The following FLG2 variants were observed in gnomAD, a reference collection of about 807,000 sequenced individuals.
FLG2 encodes filaggrin 2, also known as filaggrin-2.
Under a neutral mutation model 3.9 loss-of-function variants are expected in FLG2, and 7 were observed. The ratio of observed to expected loss-of-function variants is 1.79; its 90% CI spans 1.02 to 3.36. FLG2 has a LOEUF of 3.36. Ranked by LOEUF, FLG2 falls within the 30% of genes most tolerant of loss-of-function variation. The pLI is 0.00. For missense variants in FLG2, 2,700 were observed against 2,809.4 expected (o/e 0.96, Z 0.88); for synonymous variants, 1,031 against 1,056.1 (o/e 0.98, Z 0.46).
At position 152,354,919 on chromosome 1, in the gene FLG2, C is replaced by A; in HGVS notation, c.2867G>T (p.Gly956Val). The A allele has an allele frequency of 1.2e-6, 2 of 1,613,666 alleles. No homozygotes were observed. The highest frequency in any genetic ancestry group is 1.7e-6 in the Non-Finnish European group (2 of 1,179,962). ...ATGTTGGCCAAAGCCAGAGGATTGA[C>A]CTGAGCCTGACCTGTGTTGTCCAAA... ...FGFGQHRSGS[G>V]QSSGFGQHGS... The change falls in exon 3 of 3, where the codon GGT (glycine) becomes GTT (valine). Residue 956 changes from glycine to valine, a missense_variant. Coordinates refer to ENST00000388718, the MANE Select transcript of FLG2 (RefSeq NM_001014342.3).
chr1:152,350,118 T>A lies in FLG2; in HGVS notation c.*492A>T, dbSNP rs1195455281. On this transcript the variant is annotated 3_prime_UTR_variant, in exon 3 of 3. Coordinates refer to ENST00000388718, the MANE Select transcript of FLG2 (RefSeq NM_001014342.3). Reference sequence around the variant, plus strand: ...CCTATCTGGCAAAACCTGTGCTGGATCTTACCTGCCCATGAAAAGTTGTAT... The same window carrying A: ...CCTATCTGGCAAAACCTGTGCTGGAACTTACCTGCCCATGAAAAGTTGTAT... 1.2e-5 allele frequency: 2 copies of A among 168,530 alleles called. No individual in the cohort carries two copies. The highest frequency in any genetic ancestry group is 2.6e-5 in the Non-Finnish European group (2 of 76,746). 10.4% of individuals were successfully genotyped at this position (168,530 alleles called of 1,614,324 possible).
In FLG2 at chr1:152,352,072, C is replaced by T. The variant is rs759156967; in HGVS notation, c.5714G>A (p.Arg1905Lys). 1.2e-6 allele frequency: 2 copies of T among 1,613,510 alleles called. No homozygotes were observed. Among genetic ancestry groups the T allele is most frequent in the African/African-American group, 2.7e-5 (2 of 74,672 alleles). Residue 1905 changes from arginine (R) to lysine (K), a missense_variant, in exon 3 of 3, where the codon AGG becomes AAG. Arg to Lys is a conservative substitution (Grantham distance 26, BLOSUM62 2). Transcript: ENST00000388718. ...GGATTCTGACTCTCCATGTTGAGACCTGGCTTGGCTGTGTGTGTGTCCTGA... is the reference window on the plus strand; with the variant it reads ...GGATTCTGACTCTCCATGTTGAGACTTGGCTTGGCTGTGTGTGTGTCCTGA... The part of the protein sequence containing the change: ...THSGHTHSQA[R>K]SQHGESESTV...
At position 152,357,044 on chromosome 1, in the gene FLG2, C is replaced by T; in HGVS notation, c.742G>A (p.Gly248Arg). 1 of 1,614,162 alleles carries T rather than the reference C, an allele frequency of 6.2e-7. No homozygotes were observed. Among genetic ancestry groups the T allele is most frequent in the South Asian group, 1.1e-5 (1 of 91,074 alleles). The change falls in exon 3 of 3, where the codon GGG becomes AGG. Residue 248 changes from glycine (G) to arginine (R), a missense_variant. By Grantham distance (125) the Gly-to-Arg change is moderately radical. Transcript: ENST00000388718. Reference sequence around the variant, plus strand: ...GACTGAGTAGAGTTTGATTCATGCCCACTAGTCTCCAATCCACATGACAGA... The same window carrying T: ...GACTGAGTAGAGTTTGATTCATGCCTACTAGTCTCCAATCCACATGACAGA... ...GGLSCGLETS[G>R]HESNSTQSRI...
At position 152,356,077 on chromosome 1, in the gene FLG2, T is replaced by C. The variant is rs1357410525; in HGVS notation, c.1709A>G (p.His570Arg). 1 of 1,613,336 alleles carries C rather than the reference T, an allele frequency of 6.2e-7. No individual in the cohort carries two copies. The highest frequency in any genetic ancestry group is 8.5e-7 in the Non-Finnish European group (1 of 1,179,934). The change falls in exon 3 of 3, where the codon CAT (histidine) becomes CGT (arginine). Residue 570 changes from histidine to arginine, a missense_variant. His to Arg is a conservative substitution (Grantham distance 29). Transcript: ENST00000388718. ...GSRETSGFGQ[H>R]GLGSGQSTGF... ...AGTGGATTGACCTGAGCCCAACCCA[T>C]GTTGTCCAAAGCCAGATGTCTCTCT...
Position 152,354,034 on chromosome 1 carries a change from T to A in FLG2, c.3752A>T (p.Gln1251Leu), listed in dbSNP as rs777858716. The A allele has an allele frequency of 6.2e-7, 1 of 1,614,108 alleles. No individual in the cohort carries two copies. Among genetic ancestry groups the A allele is most frequent in the Non-Finnish European group, 8.5e-7 (1 of 1,179,912 alleles). ...GQTINTTRHS[Q>L]SGQGQSTQTG... ...CTGTGTGGATTGTCCTTGACCAGAC[T>A]GGCTATGTCTAGTGGTATTTATTGT... Residue 1251 changes from glutamine (Q) to leucine (L), a missense_variant, in exon 3 of 3, where the codon CAG becomes CTG. Transcript: ENST00000388718.
At chr1:152,359,864 A>G (rs558526239) in intron 1 of FLG2, 92 bp downstream of exon 1, 1 of 152,360 alleles carries the variant, frequency 6.6e-6, no homozygotes, top group East Asian at 1.9e-4. Flanking sequence ...AAGGCAAAAT[A>G]TACATGAACT....
rs1654095847 is a variant in FLG2, at chr1:152,354,186, A to T, written c.3600T>A (p.Gly1200=). The T allele has an allele frequency of 1.9e-6, 3 of 1,614,074 alleles. No homozygotes were observed. Among genetic ancestry groups the T allele is most frequent in the Non-Finnish European group, 1.7e-6 (2 of 1,180,038 alleles). Residue 1200 remains glycine, a synonymous_variant, in exon 3 of 3, where the codon GGT becomes GGA. Transcript: ENST00000388718. ...CATATTGGCCAAATCCAGTGGACTG[A>T]CCTGAGTCAGATATATGTTGTCCAG... is the stretch of plus-strand genomic sequence containing the variant. ...SSSGQHISDS[G]QSTGFGQYGS... is the part of the protein sequence containing the mutation.
Position 152,350,721 on chromosome 1 carries a change from G to A in FLG2, c.7065C>T (p.Asp2355=). Residue 2355 remains aspartate, a synonymous_variant, in exon 3 of 3, where the codon GAC becomes GAT. Coordinates refer to ENST00000388718, the MANE Select transcript of FLG2 (RefSeq NM_001014342.3). ...AAGGCCCATACCCAGTGTGCCCATA[G>A]TCATATTCTGCAGGTCCATAGCTGC... ...KHGSYGPAEY[D]YGHTGYGPSG... 1 of 1,614,194 alleles carries A rather than the reference G, an allele frequency of 6.2e-7. No homozygotes were observed. The highest frequency in any genetic ancestry group is 8.5e-7 in the Non-Finnish European group (1 of 1,180,030).
At position 152,353,936 on chromosome 1, in the gene FLG2, C is replaced by A. The variant is rs775944212; in HGVS notation, c.3850G>T (p.Val1284Phe). Residue 1284 changes from valine (V) to phenylalanine (F), a missense_variant, in exon 3 of 3, where the codon GTC becomes TTC. Transcript: ENST00000388718. ...ATGTGTTCTGAATGTCTGTGTGAGACCTTTGAGTGCACTTCACTGTCACTG... is the reference window on the plus strand; with the variant it reads ...ATGTGTTCTGAATGTCTGTGTGAGAACTTTGAGTGCACTTCACTGTCACTG... ...ENSDSEVHSK[V>F]SHRHSEHIHT... 7 of 1,613,956 alleles carry A rather than the reference C, an allele frequency of 4.3e-6. No individual in the cohort carries two copies. The highest frequency in any genetic ancestry group is 3.3e-5 in the South Asian group (3 of 91,086).
chr1:152,353,777 A>G lies in FLG2; in HGVS notation c.4009T>C (p.Ser1337Pro), dbSNP rs1325374394. The G allele has an allele frequency of 2.5e-6, 4 of 1,613,892 alleles. No homozygotes were observed. The highest frequency in any genetic ancestry group is 1.7e-5 in the Admixed American group (1 of 59,990). ...AATCTCTGTCTTCCAGATGTTCTGG[A>G]ACCTGTCTGTGTAGACTGTCCATGA... ...SGHGQSTQTG[S>P]RTSGRQRFSH... Residue 1337 changes from serine (S) to proline (P), a missense_variant, in exon 3 of 3, where the codon TCC (serine) becomes CCC (proline). By Grantham distance (74) the Ser-to-Pro change is moderately conservative. Coordinates refer to ENST00000388718, the MANE Select transcript of FLG2 (RefSeq NM_001014342.3).
intron 1 of FLG2, 118 bp from the exon 2 acceptor site, chr1:152,359,024 G>T: frequency 2.2e-6 from 2 of 892,124 alleles, no homozygotes; most frequent in East Asian, 2.7e-5. Flanking sequence ...ATCTCAAAAC[G>T]TAAGAATGGG....
Position 152,353,459 on chromosome 1 carries a change from G to C in FLG2, c.4327C>G (p.Gln1443Glu). 1 of 1,612,614 alleles carries C rather than the reference G, an allele frequency of 6.2e-7. No homozygotes were observed. Residue 1443 changes from glutamine to glutamate, a missense_variant, in exon 3 of 3, where the codon CAA becomes GAA. Transcript: ENST00000388718. ...HSGGSHRPQS[Q>E]EQTHGQAGSQ... ...CCGGCTTGGCCATGAGTTTGTTCTT[G>C]TGATTGTGGTCTGTGTGAGCCCCCT...
rs1182232574 is a variant in FLG2, at chr1:152,349,408, G to C, written c.*1202C>G. 2.6e-5 allele frequency: 4 copies of C among 152,202 alleles called. No homozygotes were observed. The highest frequency in any genetic ancestry group is 9.7e-5 in the African/African-American group (4 of 41,434). The allele number at this position is 152,202 out of a possible 1,614,324, so 9.4% of individuals were successfully genotyped here. ...GATCCACCCATCTTGGCCTCCCAAA[G>C]TGCTGGGATTACAGGCGTGAGCCAC... On this transcript the variant is annotated 3_prime_UTR_variant, in exon 3 of 3. Transcript: ENST00000388718.
Position 152,349,848 on chromosome 1 carries a change from C to T in FLG2, c.*762G>A, listed in dbSNP as rs1003593504. ...CTGATACCTCCTGACAGACTTGACT[C>T]TGACTCTTGCCTTTGTCTCCCCCAC... is the stretch of plus-strand genomic sequence containing the variant. On this transcript the variant is annotated 3_prime_UTR_variant, in exon 3 of 3. Transcript: ENST00000388718. 5 of 152,974 alleles carry T rather than the reference C, an allele frequency of 3.3e-5. No individual in the cohort carries two copies. Among genetic ancestry groups the T allele is most frequent in the Non-Finnish European group, 5.9e-5 (4 of 68,226 alleles). 9.5% of individuals were successfully genotyped at this position (152,974 alleles called of 1,614,324 possible). A position where few individuals can be genotyped will look rare whatever the true frequency, so the allele number is the denominator to read the frequency against.
At position 152,354,232 on chromosome 1, in the gene FLG2, C is replaced by A. The variant is rs554232263; in HGVS notation, c.3554G>T (p.Gly1185Val). 1 of 1,613,750 alleles carries A rather than the reference C, an allele frequency of 6.2e-7. No individual in the cohort carries two copies. The highest frequency in any genetic ancestry group is 8.5e-7 in the Non-Finnish European group (1 of 1,179,860). The change falls in exon 3 of 3, where the codon GGC becomes GTC. Residue 1185 changes from glycine to valine, a missense_variant. Gly to Val is a moderately radical substitution (Grantham distance 109, BLOSUM62 -3). Transcript: ENST00000388718. ...PTTSFGQHVS[G>V]SDNFSSSGQH... Reference sequence around the variant, plus strand: ...TCCAGAACTAGAGAAATTGTCTGAGCCAGACACATGCTGTCCAAAACTTGT... The same window carrying A: ...TCCAGAACTAGAGAAATTGTCTGAGACAGACACATGCTGTCCAAAACTTGT...
rs756264873 is a variant in FLG2, at chr1:152,357,115, T to G, written c.671A>C (p.Glu224Ala). The part of the protein sequence containing the change: ...SPSRESGEEY[E>A]SGSGSNSWER... ...CCAACTGTTTGATCCAGATCCAGAT[T>G]CATACTCCTCCCCAGATTCCCTAGA... The change falls in exon 3 of 3, where the codon GAA becomes GCA. Residue 224 changes from glutamate (E) to alanine (A), a missense_variant. Coordinates refer to ENST00000388718, the MANE Select transcript of FLG2 (RefSeq NM_001014342.3). 2.5e-6 allele frequency: 4 copies of G among 1,614,188 alleles called. No individual in the cohort carries two copies. The highest frequency in any genetic ancestry group is 1.7e-6 in the Non-Finnish European group (2 of 1,180,028).
chr1:152,353,871 G>T lies in FLG2; in HGVS notation c.3915C>A (p.Ser1305=), dbSNP rs1426663620. Residue 1305 remains serine, a synonymous_variant, in exon 3 of 3, where the codon TCC becomes TCA. Transcript: ENST00000388718. ...TAGTTCCTTGTCTTCTGCGAACTGT[G>T]GATCCTGACTTTGGGTAGTGAGATC... is the stretch of plus-strand genomic sequence containing the variant. ...QAGSHYPKSG[S]TVRRRQGTTH... 1 of 1,613,856 alleles carries T rather than the reference G, an allele frequency of 6.2e-7. No individual in the cohort carries two copies. Among genetic ancestry groups the T allele is most frequent in the Non-Finnish European group, 8.5e-7 (1 of 1,179,972 alleles).
rs1298508540 is a variant in FLG2 at position 152,358,846 on chromosome 1, A to G, written c.39T>C (p.Asp13=). 1 of 1,614,054 alleles carries G rather than the reference A, an allele frequency of 6.2e-7. No homozygotes were observed. Among genetic ancestry groups the G allele is most frequent in the Non-Finnish European group, 8.5e-7 (1 of 1,179,946 alleles). The change falls in exon 2 of 3, where the codon GAT becomes GAC. Residue 13 remains aspartate (D), a synonymous_variant. Coordinates refer to ENST00000388718, the MANE Select transcript of FLG2 (RefSeq NM_001014342.3). ...DLLRSVVTVI[D]VFYKYTKQDG... is the part of the protein sequence containing the mutation. ...CTTGCTTGGTGTATTTGTAGAAAACATCAATTACGGTGACAACACTTCTCA... is the reference window on the plus strand; with the variant it reads ...CTTGCTTGGTGTATTTGTAGAAAACGTCAATTACGGTGACAACACTTCTCA...
intron 1 of FLG2, 78 bp from the exon 2 acceptor site, chr1:152,358,984 G>T: frequency 7.4e-7 from 1 of 1,349,436 alleles, no homozygotes; most frequent in Non-Finnish European, 1.0e-6. Flanking sequence ...ATAATAACCA[G>T]CATGATTTTT....
Sources: allele counts gnomAD v4.1 joint callset, GRCh38; gene constraint gnomAD v4.1.1; transcripts MANE v1.5; gene names NCBI Gene and HGNC (gene_info 2026-07-23, HGNC 2026-07-21).